USP54: variants seen among roughly 807,000 people sequenced by gnomAD.
The protein encoded by USP54 is ubiquitin carboxyl-terminal hydrolase 54.
USP54 carries 87 observed loss-of-function variants against 170.5 expected under a neutral mutation model. The observed-to-expected ratio is 0.51, with a 90% CI of 0.43 to 0.61. The LOEUF (loss-of-function observed/expected upper bound fraction) is 0.61, where lower values mean the gene tolerates loss of function less well. Ranked by LOEUF, USP54 falls within the 20% of genes least tolerant of loss-of-function variation. The pLI, the probability that USP54 is intolerant of heterozygous loss-of-function variation, is 0.00. For synonymous variants in USP54, 655 were observed against 742.8 expected (o/e 0.88, Z 1.92); for missense variants, 1,786 against 2,047.8 (o/e 0.87, Z 2.47).
At chr10:73,512,675 C>T (rs1026996248) in intron 20 of USP54, among the ~76,000 whole-genome samples, 1 of 152,060 alleles carries the variant, frequency 6.6e-6, no homozygotes, top group Middle Eastern at 3.2e-3. Context: ...CATGAGTCAT[C>T]ATGCTCCGCT....
At chr10:73,517,778 C>G in intron 19 of USP54, 31 bp from the exon 20 acceptor site, 1 of 1,570,332 alleles carries the variant, frequency 6.4e-7, no homozygotes. Flanking sequence ...TAGTCATAAG[C>G]TGCCTTGACT....
At chr10:73,614,508 C>T (rs1269817246) in intron 1 of USP54, among the ~76,000 whole-genome samples, 2 of 139,704 alleles carry the variant, frequency 1.4e-5, no homozygotes, top group Non-Finnish European at 3.0e-5. Context: ...TGCAGTGAGC[C>T]GAGATCACGC....
At chr10:73,601,323 A>T (rs983518980) in intron 1 of USP54, among the ~76,000 whole-genome samples, 1 of 152,172 alleles carries the variant, frequency 6.6e-6, no homozygotes, top group African/African-American at 2.4e-5. Flanking sequence ...CAAAATTGTT[A>T]AGTCATGGAA....
chr10:73,542,776 C>G, intron 7 of USP54, 27 bp downstream of exon 7: 1 of 1,603,408 alleles, frequency 6.2e-7, no homozygotes, highest in East Asian at 2.2e-5. Flanking sequence ...TGCCTAAACG[C>G]ACAACAGAAA....
chr10:73,613,383 C>G (rs1231433881), intron 1 of USP54, among the ~76,000 whole-genome samples: 1 of 151,446 alleles, frequency 6.6e-6, no homozygotes, highest in East Asian at 2.0e-4. Flanking sequence ...CCACCTGCCT[C>G]GGCCTCCCCC....
chr10:73,607,754 C>T (rs2079790046), intron 1 of USP54, among the ~76,000 whole-genome samples: 1 of 151,376 alleles, frequency 6.6e-6, no homozygotes, highest in Non-Finnish European at 1.5e-5. Context: ...TTGCTTGAAC[C>T]CGGGAAGCGG....
chr10:73,602,939 T>C (rs1462630645), intron 1 of USP54, among the ~76,000 whole-genome samples: 2 of 151,940 alleles, frequency 1.3e-5, no homozygotes, highest in Middle Eastern at 3.2e-3. Flanking sequence ...CAAATAGTTA[T>C]TCAACAAACA....
chr10:73,523,478 A>C, intron 17 of USP54, 105 bp downstream of exon 17: 1 of 1,377,084 alleles, frequency 7.3e-7, no homozygotes, highest in Non-Finnish European at 9.8e-7. Flanking sequence ...AGACTTAAAA[A>C]ATTATTTTGC....
intron 1 of USP54, among the ~76,000 whole-genome samples, chr10:73,601,576 G>A (rs1013804037): frequency 1.3e-5 from 2 of 151,856 alleles, no homozygotes; most frequent in African/African-American, 4.8e-5. Flanking sequence ...CCCAGCTGCA[G>A]GACTTGGAAC....
chr10:73,509,484 G>A (rs976632579), intron 20 of USP54, among the ~76,000 whole-genome samples: 14 of 150,994 alleles, frequency 9.3e-5, no homozygotes, highest in Middle Eastern at 3.4e-3. Context: ...GCGTGGTGGC[G>A]CGTGCCTGTA....
In USP54 at chr10:73,536,436, A is replaced by G; in HGVS notation, c.977T>C (p.Ile326Thr). Residue 326 changes from isoleucine (I) to threonine (T), a missense_variant and splice_region_variant, in exon 11 of 24, where the codon ATT becomes ACT. Physicochemically the swap from Ile to Thr is moderately conservative, Grantham distance 89. This residue lies in a region of USP54 where 361 missense variants were observed against 455.0 expected (regional missense o/e 0.79). Coordinates refer to ENST00000687698, the MANE Select transcript of USP54 (RefSeq NM_001391956.1). Reference protein sequence around the residue: ...MYFDDAHVKEIGPKWKDVVTK... With the variant: ...MYFDDAHVKETGPKWKDVVTK... The stretch of plus-strand genomic sequence containing the variant: ...CACCACATCCTTCCATTTGGGCCCA[A>G]TCTGAACCAGAAACAACCAGAAGAA... 1 of 1,534,382 alleles carries G rather than the reference A, an allele frequency of 6.5e-7. No homozygotes were observed. The highest frequency in any genetic ancestry group is 1.3e-5 in the South Asian group (1 of 77,022).
intron 1 of USP54, among the ~76,000 whole-genome samples, chr10:73,617,222 G>A (rs926433665): frequency 2.0e-5 from 3 of 150,602 alleles, no homozygotes; most frequent in African/African-American, 7.5e-5. Context: ...CTTGAAACCA[G>A]GAGGTGGAGG....
At chr10:73,602,328 AG>A (rs1564951957) in intron 1 of USP54, among the ~76,000 whole-genome samples, 1 of 150,966 alleles carries the variant, frequency 6.6e-6, no homozygotes, top group Non-Finnish European at 1.5e-5. Flanking sequence ...CGAGGTGGGC[AG>A]ATCACGAGGT....
chr10:73,619,511 C>T lies in USP54; in HGVS notation c.-18+6056G>A, dbSNP rs1202146058. Among the ~76,000 whole-genome samples the T allele has an allele frequency of 9.2e-5, 13 of 141,700 alleles. No homozygotes were observed. The East Asian group carries it at 9.9e-4, about 11-fold the overall frequency. 93.0% of individuals were successfully genotyped at this position (141,700 alleles called of 152,430 possible). On this transcript the variant is annotated intron_variant, in intron 1 of 22. Transcript: ENST00000339859. ...CTTGAGCCTTCCACTCTAGCCTGGG[C>T]GACAGAGCGAGACTCCATCTCAAAA...
chr10:73,602,042 C>A (rs903715915), intron 1 of USP54, among the ~76,000 whole-genome samples: 9 of 152,182 alleles, frequency 5.9e-5, no homozygotes, highest in Non-Finnish European at 1.2e-4. Context: ...AATGTAGCAC[C>A]TCAACATCTG....
chr10:73,624,900 T>C (rs2081397360), intron 1 of USP54, among the ~76,000 whole-genome samples: 1 of 152,190 alleles, frequency 6.6e-6, no homozygotes, highest in Non-Finnish European at 1.5e-5. Context: ...TAAGCACACT[T>C]TAGGAACACC....
At chr10:73,579,366 T>C (rs980507563) in intron 1 of USP54, among the ~76,000 whole-genome samples, 1 of 152,192 alleles carries the variant, frequency 6.6e-6, no homozygotes, top group Non-Finnish European at 1.5e-5. Context: ...ATGAAAAGAT[T>C]AGTCAAAGAT....
At chr10:73,611,740 TGAGTAGA>T (rs1443146069) in intron 1 of USP54, 2 of 149,724 alleles carry the variant, frequency 1.3e-5, no homozygotes, top group Non-Finnish European at 2.9e-5. Flanking sequence ...GAGGTTGCAG[TGAGTAGA>T]GATCACGCCA....
Position 73,534,698 on chromosome 10 carries a change from T to A in USP54, c.1217A>T (p.His406Leu). 1 of 1,614,086 alleles carries A rather than the reference T, an allele frequency of 6.2e-7. No individual in the cohort carries two copies. The highest frequency in any genetic ancestry group is 1.7e-5 in the Admixed American group (1 of 60,002). ...STESYPYKHS[H>L]HESVVSHFSS... ...GAAGTGACTGACCACAGACTCATGG[T>A]GGGAATGTTTGTAGGGATAGCTCTC... The change falls in exon 12 of 24, where the codon CAC becomes CTC. Residue 406 changes from histidine (H) to leucine (L), a missense_variant. Coordinates refer to ENST00000687698, the MANE Select transcript of USP54 (RefSeq NM_001391956.1).
Sources: allele counts gnomAD v4.1 joint callset (sites outside exome capture counted in the v4.1 genomes callset), GRCh38; gene constraint gnomAD v4.1.1; regional missense constraint gnomAD v4.1.1; transcripts MANE v1.5; gene names NCBI Gene and HGNC (gene_info 2026-07-23, HGNC 2026-07-21).